Variants in ZNF785 observed in about 807,000 individuals in gnomAD.
ZNF785 encodes the protein zinc finger protein 785.
ZNF785 carries 15 observed loss-of-function variants against 11.3 expected under a neutral mutation model. The ratio of observed to expected loss-of-function variants is 1.32; its 90% CI spans 0.89 to 2.04. The LOEUF is 2.04. Ranked by LOEUF, ZNF785 falls within the 30% of genes most tolerant of loss-of-function variation. The probability of loss-of-function intolerance (pLI) is 0.00; values close to 1 mark genes in which losing one functional copy is unlikely to be tolerated. For synonymous variants in ZNF785, 221 were observed against 231.0 expected (o/e 0.96, Z 0.39); for missense variants, 572 against 560.9 (o/e 1.02, Z -0.20).
Position 30,585,003 on chromosome 16 carries a change from T to C in ZNF785, c.334+119A>G. The C allele has an allele frequency of 7.4e-7, 1 of 1,358,456 alleles. No homozygotes were observed. Among genetic ancestry groups the C allele is most frequent in the East Asian group, 2.4e-5 (1 of 41,210 alleles). The allele number at this position is 1,358,456 out of a possible 1,614,324, so 84.2% of individuals were successfully genotyped here. On this transcript the variant is annotated intron_variant, in intron 2 of 2. Coordinates refer to ENST00000395216, the MANE Select transcript of ZNF785 (RefSeq NM_152458.7). This position sits in a 1 kb window ranked among gnomAD's most constrained non-coding sequence, Gnocchi z 4.0. ...TTTTGCAGTGAGATGAGGACGTTTC[T>C]GGGGTAGGGTGCAGGGAGACAGGAT...
At chr16:30,583,721 A>G (rs901934256) in intron 2 of ZNF785, 3 of 327,378 alleles carry the variant, frequency 9.2e-6, no homozygotes, top group Non-Finnish European at 1.7e-5. Context: ...GCCGGGTGCC[A>G]TGGCTCACAC....
chr16:30,582,690 C>G lies in ZNF785; in HGVS notation c.1088G>C (p.Arg363Pro). The change falls in exon 3 of 3, where the codon CGC (arginine) becomes CCC (proline). Residue 363 changes from arginine to proline, a missense_variant. Transcript: ENST00000395216. ...CCACGCGCGCCTCTCGCTGCAGGAG[C>G]GGTGGATCCACCGATGGGCTTCCAG... ...TALEAHRWIH[R>P]SCSERRAWQQ... is the part of the protein sequence containing the mutation. The G allele has an allele frequency of 6.2e-7, 1 of 1,613,926 alleles. No homozygotes were observed. The highest frequency in any genetic ancestry group is 8.5e-7 in the Non-Finnish European group (1 of 1,179,940).
chr16:30,583,036 G>T lies in ZNF785; in HGVS notation c.742C>A (p.Arg248=), dbSNP rs746360318. ...TAAGGCTTCTCCCCGGTGTGAGCCCGCCTGTGGATAGCCAGGGAACCCCTC... is the reference window on the plus strand; with the variant it reads ...TAAGGCTTCTCCCCGGTGTGAGCCCTCCTGTGGATAGCCAGGGAACCCCTC... ...RQRGSLAIHR[R]AHTGEKPYAC... The change falls in exon 3 of 3, where the codon CGG becomes AGG. Residue 248 remains arginine (R), a synonymous_variant. Coordinates refer to ENST00000395216, the MANE Select transcript of ZNF785 (RefSeq NM_152458.7). 6 of 1,614,006 alleles carry T rather than the reference G, an allele frequency of 3.7e-6. No individual in the cohort carries two copies. In the South Asian group the frequency reaches 5.5e-5, roughly 15 times the overall value.
At chr16:30,584,825 G>A (rs1428026423) in intron 2 of ZNF785, among the ~76,000 whole-genome samples, 1 of 152,186 alleles carries the variant, frequency 6.6e-6, no homozygotes, top group African/African-American at 2.4e-5. Context: ...AGGAACATCT[G>A]TCTTCATTTT....
chr16:30,579,990 C>A (rs1217573196), downstream of ZNF785: 4 of 374,626 alleles, frequency 1.1e-5, no homozygotes, highest in African/African-American at 6.4e-5. Context: ...CGGGTTCATG[C>A]CATTCTCCTG....
chr16:30,583,021 C>T lies in ZNF785; in HGVS notation c.757G>A (p.Glu253Lys). 1 of 1,613,142 alleles carries T rather than the reference C, an allele frequency of 6.2e-7. No homozygotes were observed. The highest frequency in any genetic ancestry group is 8.5e-7 in the Non-Finnish European group (1 of 1,179,860). ...CAGTCTGAGCACGCGTAAGGCTTCT[C>T]CCCGGTGTGAGCCCGCCTGTGGATA... ...LAIHRRAHTG[E>K]KPYACSDCKS... Residue 253 changes from glutamate (E) to lysine (K), a missense_variant, in exon 3 of 3, where the codon GAG becomes AAG. Physicochemically the swap from Glu to Lys is moderately conservative, Grantham distance 56. Coordinates refer to ENST00000395216, the MANE Select transcript of ZNF785 (RefSeq NM_152458.7).
In ZNF785 at chr16:30,585,586, GGGCGCGGCGCCA is replaced by G; in HGVS notation, c.14_25del (p.Leu5_Arg8del). On this transcript the variant is annotated inframe_deletion, in exon 1 of 3. Coordinates refer to ENST00000395216, the MANE Select transcript of ZNF785 (RefSeq NM_152458.7). The surrounding 1 kb of genome is among the most constrained non-coding windows in gnomAD (Gnocchi z 4.0). ...CCCGGCCTCCCCGGGTACGTGGGCCGGGCGCGGCGCCAGGGGCGGCCCCATGGGAAACCCTTT... is the reference window on the plus strand; with the variant it reads ...CCCGGCCTCCCCGGGTACGTGGGCCGGGGGCGGCCCCATGGGAAACCCTTT... 1 of 1,519,074 alleles carries G rather than the reference GGGCGCGGCGCCA, an allele frequency of 6.6e-7. No individual in the cohort carries two copies. Among genetic ancestry groups the G allele is most frequent in the Non-Finnish European group, 8.8e-7 (1 of 1,138,708 alleles). The allele number at this position is 1,519,074 out of a possible 1,614,324, so 94.1% of individuals were successfully genotyped here.
At position 30,582,658 on chromosome 16, in the gene ZNF785, C is replaced by G; in HGVS notation, c.1120G>C (p.Ala374Pro). 6.2e-7 allele frequency: 1 copy of G among 1,614,202 alleles called. No homozygotes were observed. Among genetic ancestry groups the G allele is most frequent in the Non-Finnish European group, 8.5e-7 (1 of 1,180,052 alleles). The change falls in exon 3 of 3, where the codon GCC (alanine) becomes CCC (proline). Residue 374 changes from alanine (A) to proline (P), a missense_variant. Transcript: ENST00000395216. The part of the protein sequence containing the change: ...SCSERRAWQQ[A>P]VVGRSEPIPV... The stretch of plus-strand genomic sequence containing the variant: ...ATGGGCTCTGAACGCCCCACCACGG[C>G]CTGCTGCCACGCGCGCCTCTCGCTG...
rs1420539158 is a variant in ZNF785, at chr16:30,582,759, A to AAGGGAC, written c.1018_1019insGTCCCT (p.Pro339_Phe340insCysPro). The AAGGGAC allele has an allele frequency of 6.2e-7, 1 of 1,607,374 alleles. No homozygotes were observed. Among genetic ancestry groups the AAGGGAC allele is most frequent in the East Asian group, 2.2e-5 (1 of 44,760 alleles). ...GCCTTTCCCACACTCCACGCAGGGG[A>AAGGGAC]AGGGCCGGCTGTCGGAGTGAATGCG... On this transcript the variant is annotated inframe_insertion, in exon 3 of 3. Transcript: ENST00000395216.
downstream of ZNF785, chr16:30,579,864 G>A: frequency 4.4e-6 from 2 of 455,792 alleles, no homozygotes; most frequent in South Asian, 1.5e-5. Context: ...GGGCCAGAAA[G>A]AACTCTCTTA....
chr16:30,580,186 C>CTTTTTTT (rs35143221), downstream of ZNF785, among the ~76,000 whole-genome samples: 1 of 92,546 alleles, frequency 1.1e-5, no homozygotes, highest in Non-Finnish European at 2.0e-5. Context: ...CACACCAGGC[C>CTTTTTTT]TTTTTTTTTT....
Position 30,582,922 on chromosome 16 carries a change from A to C in ZNF785, c.856T>G (p.Cys286Gly), listed in dbSNP as rs757864397. The C allele has an allele frequency of 2.5e-6, 4 of 1,613,838 alleles. No individual in the cohort carries two copies. The South Asian group carries it at 4.4e-5, about 18-fold the overall frequency. The change falls in exon 3 of 3, where the codon TGC becomes GGC. Residue 286 changes from cysteine to glycine, a missense_variant. Transcript: ENST00000395216. The part of the protein sequence containing the change: ...RKHTGEKPYS[C>G]PDCSLRFAYT... Reference sequence around the variant, plus strand: ...GCGAAACGGAGGCTGCAATCGGGGCAGCTGTAGGGCTTCTCGCCCGTGTGC... The same window carrying C: ...GCGAAACGGAGGCTGCAATCGGGGCCGCTGTAGGGCTTCTCGCCCGTGTGC...
rs1428909451 is a variant in ZNF785 at position 30,585,366 on chromosome 16, A to T, written c.205+41T>A. On this transcript the variant is annotated intron_variant, in intron 1 of 2. Coordinates refer to ENST00000395216, the MANE Select transcript of ZNF785 (RefSeq NM_152458.7). This position sits in a 1 kb window ranked among gnomAD's most constrained non-coding sequence, Gnocchi z 4.0. Reference sequence around the variant, plus strand: ...CTGGGGACACCGATCACCGCTTCCCACCGACGGACTGGGGGTCCCGGCCGG... The same window carrying T: ...CTGGGGACACCGATCACCGCTTCCCTCCGACGGACTGGGGGTCCCGGCCGG... 6.4e-7 allele frequency: 1 copy of T among 1,572,758 alleles called. No individual in the cohort carries two copies. Among genetic ancestry groups the T allele is most frequent in the Non-Finnish European group, 8.6e-7 (1 of 1,161,644 alleles).
In ZNF785 at chr16:30,580,756, C is replaced by T. The variant is rs1043959764; in HGVS notation, c.*1804G>A. Reference sequence around the variant, plus strand: ...ACCTTAAGTGATCCACCCTCCTCAGCCTCCCAAACTGCTAGGATTACAGGC... The same window carrying T: ...ACCTTAAGTGATCCACCCTCCTCAGTCTCCCAAACTGCTAGGATTACAGGC... On this transcript the variant is annotated 3_prime_UTR_variant, in exon 3 of 3. Transcript: ENST00000395216. 1 of 151,448 alleles carries T rather than the reference C, an allele frequency of 6.6e-6. No homozygotes were observed. The highest frequency in any genetic ancestry group is 6.6e-5 in the Admixed American group (1 of 15,130). The allele number at this position is 151,448 out of a possible 1,614,324, so 9.4% of individuals were successfully genotyped here.
Position 30,581,677 on chromosome 16 carries a change from G to C in ZNF785, c.*883C>G, listed in dbSNP as rs2051811936. On this transcript the variant is annotated 3_prime_UTR_variant, in exon 3 of 3. Coordinates refer to ENST00000395216, the MANE Select transcript of ZNF785 (RefSeq NM_152458.7). ...TGCACTTGCAGAATGAGAGTGGGGG[G>C]GGAGTTCCCCACCTGAGGCCACTGT... 6.6e-6 allele frequency: 1 copy of C among 152,108 alleles called. No homozygotes were observed. Among genetic ancestry groups the C allele is most frequent in the Admixed American group, 6.6e-5 (1 of 15,260 alleles). 9.4% of individuals were successfully genotyped at this position (152,108 alleles called of 1,614,324 possible). A position where few individuals can be genotyped will look rare whatever the true frequency, so the allele number is the denominator to read the frequency against.
intron 2 of ZNF785, among the ~76,000 whole-genome samples, chr16:30,584,685 C>T (rs114279537): frequency 0.021 from 3,144 of 152,176 alleles, 102 homozygotes; most frequent in African/African-American, 0.07. Flanking sequence ...TCACTAGGTT[C>T]CACGGGAAGA....
At chr16:30,580,437 C>G (rs577453760), downstream of ZNF785, among the ~76,000 whole-genome samples, 41 of 151,000 alleles carry the variant, frequency 2.7e-4, 1 homozygote, top group South Asian at 8.4e-3. Context: ...TCACTGCAAG[C>G]TCCGCCTCCC....
chr16:30,582,677 C>T lies in ZNF785; in HGVS notation c.1101G>A (p.Glu367=). ...CCACGGCCTGCTGCCACGCGCGCCT[C>T]TCGCTGCAGGAGCGGTGGATCCACC... is the stretch of plus-strand genomic sequence containing the variant. ...AHRWIHRSCS[E]RRAWQQAVVG... Residue 367 remains glutamate (E), a synonymous_variant, in exon 3 of 3, where the codon GAG becomes GAA. Coordinates refer to ENST00000395216, the MANE Select transcript of ZNF785 (RefSeq NM_152458.7). The T allele has an allele frequency of 6.2e-7, 1 of 1,614,154 alleles. No homozygotes were observed. Among genetic ancestry groups the T allele is most frequent in the Non-Finnish European group, 8.5e-7 (1 of 1,180,038 alleles).
rs760679001 is a variant in ZNF785, at chr16:30,581,459, CA to C, written c.*1100del. On this transcript the variant is annotated 3_prime_UTR_variant, in exon 3 of 3. Coordinates refer to ENST00000395216, the MANE Select transcript of ZNF785 (RefSeq NM_152458.7). ...CAGGCAATAGAGACAGACTCTGTCTCAAAAAAAAAAAAAAAAAAAAGAATCC... is the reference window on the plus strand; with the variant it reads ...CAGGCAATAGAGACAGACTCTGTCTCAAAAAAAAAAAAAAAAAAAGAATCC... 2,667 of 54,366 alleles carry C rather than the reference CA, an allele frequency of 0.049. 39 individuals carry two copies. Among genetic ancestry groups the C allele is most frequent in the African/African-American group, 0.15 (2,307 of 15,448 alleles). The allele number at this position is 54,366 out of a possible 1,614,324, so 3.4% of individuals were successfully genotyped here.
Sources: gnomAD v4.1 joint callset for allele counts (sites outside exome capture counted in the v4.1 genomes callset) on GRCh38, gnomAD v4.1.1 for gene constraint, Gnocchi (gnomAD v3.1) non-coding constraint, MANE v1.5 for transcripts, NCBI Gene and HGNC (gene_info 2026-07-23, HGNC 2026-07-21) for gene names.